The following MAD1L1 variants were observed in gnomAD, a reference collection of about 807,000 sequenced individuals.
MAD1L1 encodes mitotic arrest deficient 1 like 1.
Under a neutral mutation model 96.9 loss-of-function variants are expected in MAD1L1, and 95 were observed. That is an observed-to-expected ratio of 0.98 (90% confidence interval 0.83 to 1.16). The LOEUF (loss-of-function observed/expected upper bound fraction) is 1.16, where lower values mean the gene tolerates loss of function less well. Ranked by LOEUF, MAD1L1 falls within the 50% of genes most tolerant of loss-of-function variation. The pLI is 0.00. For missense variants in MAD1L1, 1,007 were observed against 954.4 expected (o/e 1.06, Z -0.73); for synonymous variants, 473 against 396.6 (o/e 1.19, Z -2.29).
intron 18 of MAD1L1, among the ~76,000 whole-genome samples, chr7:1,888,390 G>GGCTGCC (rs1370510875): frequency 0.15 from 21,899 of 148,314 alleles, 1,996 homozygotes; most frequent in South Asian, 0.27. Context: ...CTATGCGTGT[G>GGCTGCC]TGTGCATGCG....
chr7:1,937,035 T>G, intron 16 of MAD1L1, 138 bp from the exon 17 acceptor site: 2 of 683,612 alleles, frequency 2.9e-6, no homozygotes, highest in Non-Finnish European at 4.8e-6. Flanking sequence ...TCTTTTGTCT[T>G]CTTGAGCCTG....
At chr7:2,027,723 T>G (rs961884000) in intron 12 of MAD1L1, among the ~76,000 whole-genome samples, 1 of 152,236 alleles carries the variant, frequency 6.6e-6, no homozygotes, top group African/African-American at 2.4e-5. Flanking sequence ...AGAACTTTAA[T>G]CTGAAAAGGA....
chr7:1,842,327 T>TGGA (rs199598383), intron 18 of MAD1L1, among the ~76,000 whole-genome samples: 1,947 of 152,318 alleles, frequency 0.013, 40 homozygotes, highest in African/African-American at 0.043. Context: ...CGTGGCCCTG[T>TGGA]GGAAACCCAG....
chr7:1,945,304 G>A (rs542739092), intron 16 of MAD1L1, among the ~76,000 whole-genome samples: 1 of 152,368 alleles, frequency 6.6e-6, no homozygotes, highest in South Asian at 2.1e-4. Flanking sequence ...CCCCAGCACC[G>A]AGGACTATCC....
chr7:2,057,645 G>A (rs1170479892), intron 12 of MAD1L1, among the ~76,000 whole-genome samples: 1 of 151,876 alleles, frequency 6.6e-6, no homozygotes, highest in Non-Finnish European at 1.5e-5. Flanking sequence ...TGCTTTGTAT[G>A]CGTTAAATCC....
intron 17 of MAD1L1, among the ~76,000 whole-genome samples, chr7:1,931,854 C>G (rs1789499606): frequency 6.6e-6 from 1 of 152,240 alleles, no homozygotes; most frequent in Non-Finnish European, 1.5e-5. Context: ...ACGCACTCAG[C>G]CTTCTAGGTG....
intron 18 of MAD1L1, among the ~76,000 whole-genome samples, chr7:1,825,613 C>T (rs34074471): frequency 0.42 from 63,717 of 152,140 alleles, 13,516 homozygotes; most frequent in Non-Finnish European, 0.45. Flanking sequence ...GCTCTGTCCA[C>T]GGGTCTTTGC....
intron 10 of MAD1L1, among the ~76,000 whole-genome samples, chr7:2,178,898 A>AAAAAG (rs1554404957): frequency 4.6e-5 from 7 of 151,562 alleles, no homozygotes; most frequent in African/African-American, 1.5e-4. Context: ...CAAAAAAAAA[A>AAAAAG]AAAAGAAAAG....
intron 11 of MAD1L1, among the ~76,000 whole-genome samples, chr7:2,127,413 G>A (rs56848845): frequency 3.6e-4 from 55 of 152,338 alleles, no homozygotes; most frequent in African/African-American, 1.3e-3. Flanking sequence ...ACTTGCTCCA[G>A]AGGGGATTCT....
At chr7:1,913,704 C>T (rs1471698752) in intron 17 of MAD1L1, among the ~76,000 whole-genome samples, 2 of 152,102 alleles carry the variant, frequency 1.3e-5, no homozygotes, top group African/African-American at 4.8e-5. Flanking sequence ...GGCCTCTCCC[C>T]CAGGACAAAG....
chr7:2,046,443 T>C (rs1331648889), intron 12 of MAD1L1, among the ~76,000 whole-genome samples: 1 of 139,072 alleles, frequency 7.2e-6, no homozygotes, highest in Non-Finnish European at 1.6e-5. Context: ...AGGCTCCGGC[T>C]GGGGCACTGC....
At chr7:2,197,381 C>G (rs1238042711) in intron 10 of MAD1L1, among the ~76,000 whole-genome samples, 5 of 152,136 alleles carry the variant, frequency 3.3e-5, no homozygotes, top group Non-Finnish European at 7.4e-5. Flanking sequence ...GCCTGCACAC[C>G]TATGTGTTCA....
intron 16 of MAD1L1, among the ~76,000 whole-genome samples, chr7:1,947,576 C>G (rs1311315415): frequency 7.8e-6 from 1 of 128,794 alleles, no homozygotes; most frequent in Non-Finnish European, 1.7e-5. Context: ...CTTCCCATCT[C>G]CTGCCCGTGG....
intron 11 of MAD1L1, among the ~76,000 whole-genome samples, chr7:2,105,978 C>T (rs1307581704): frequency 6.6e-6 from 1 of 151,878 alleles, no homozygotes; most frequent in East Asian, 1.9e-4. Flanking sequence ...AGCCCTGCCC[C>T]TGCCCCTGCC....
intron 18 of MAD1L1, among the ~76,000 whole-genome samples, chr7:1,873,676 C>T (rs1370958402): frequency 5.3e-5 from 8 of 152,052 alleles, no homozygotes; most frequent in African/African-American, 1.2e-4. Context: ...CTGTAACCCC[C>T]GACCACCATG....
At chr7:2,047,038 G>A (rs1394833501) in intron 12 of MAD1L1, among the ~76,000 whole-genome samples, 7 of 152,260 alleles carry the variant, frequency 4.6e-5, no homozygotes, top group East Asian at 1.9e-4. Flanking sequence ...GCCAGCTCCC[G>A]GGTTGAACTC....
At chr7:1,912,858 G>A (rs546038476) in intron 17 of MAD1L1, among the ~76,000 whole-genome samples, 3 of 152,320 alleles carry the variant, frequency 2.0e-5, no homozygotes, top group Admixed American at 6.5e-5. Context: ...CAGCTGGTCC[G>A]TGGAGAGAGG....
chr7:2,169,599 C>A (rs763545695), intron 10 of MAD1L1, among the ~76,000 whole-genome samples: 6 of 152,202 alleles, frequency 3.9e-5, no homozygotes, highest in Non-Finnish European at 7.3e-5. Context: ...CTCCGCGCTG[C>A]GTGCAATTAA....
intron 18 of MAD1L1, among the ~76,000 whole-genome samples, chr7:1,886,894 C>T (rs1786068625): frequency 6.6e-6 from 1 of 152,280 alleles, no homozygotes; most frequent in Non-Finnish European, 1.5e-5. Flanking sequence ...TTGGGGTGTG[C>T]AGCCGGACTC....
Sources: allele counts gnomAD v4.1 joint callset (sites outside exome capture counted in the v4.1 genomes callset), GRCh38; gene constraint gnomAD v4.1.1; transcripts MANE v1.5; gene names NCBI Gene and HGNC (gene_info 2026-07-23, HGNC 2026-07-21).